ASAP2: variants seen among roughly 807,000 people sequenced by gnomAD.
ASAP2 encodes the protein ArfGAP with SH3 domain, ankyrin repeat and PH domain 2.
Under a neutral mutation model 131.4 loss-of-function variants are expected in ASAP2, and 45 were observed. The observed-to-expected ratio is 0.34, with a 90% CI of 0.27 to 0.44. The LOEUF is 0.44. ASAP2 is among the 20% of genes least tolerant of loss of function. The pLI, the probability that ASAP2 is intolerant of heterozygous loss-of-function variation, is 1.00. For missense variants in ASAP2, 1,011 were observed against 1,297.0 expected (o/e 0.78, Z 3.39); for synonymous variants, 510 against 503.0 (o/e 1.01, Z -0.19).
intron 7 of ASAP2, among the ~76,000 whole-genome samples, chr2:9,332,063 G>T (rs1670878151): frequency 6.6e-6 from 1 of 152,048 alleles, no homozygotes; most frequent in South Asian, 2.1e-4. Flanking sequence ...ACTCTGCTTG[G>T]TGGGTTTGAT....
At chr2:9,286,857 A>G (rs1487491989) in intron 2 of ASAP2, among the ~76,000 whole-genome samples, 4 of 152,246 alleles carry the variant, frequency 2.6e-5, no homozygotes, top group Non-Finnish European at 5.9e-5. Context: ...AAAAAGGAAT[A>G]GATGATAAAT....
intron 1 of ASAP2, among the ~76,000 whole-genome samples, chr2:9,253,080 G>A (rs538632770): frequency 3.3e-5 from 5 of 152,164 alleles, no homozygotes; most frequent in Non-Finnish European, 7.4e-5. Context: ...AGAAACGAAA[G>A]TCGTTTTTTG....
chr2:9,254,537 T>A (rs866240659), intron 1 of ASAP2, among the ~76,000 whole-genome samples: 27,273 of 130,450 alleles, frequency 0.21, 4,175 homozygotes, highest in Non-Finnish European at 0.25. Context: ...ATTTTTTTTT[T>A]TTTTTTTTTT....
At chr2:9,366,996 A>G (rs1413148139) in intron 15 of ASAP2, among the ~76,000 whole-genome samples, 2 of 150,916 alleles carry the variant, frequency 1.3e-5, no homozygotes, top group African/African-American at 2.5e-5. Context: ...GCCTCTCCCA[A>G]AGCATGTTTG....
intron 9 of ASAP2, among the ~76,000 whole-genome samples, chr2:9,342,203 C>G (rs1671631923): frequency 6.6e-6 from 1 of 152,162 alleles, no homozygotes; most frequent in Non-Finnish European, 1.5e-5. Flanking sequence ...CCAGAATCGT[C>G]AAAACAATCC....
Position 9,297,448 on chromosome 2 carries a change from A to G in ASAP2, c.345+3A>G. 1 of 1,614,154 alleles carries G rather than the reference A, an allele frequency of 6.2e-7. No individual in the cohort carries two copies. Among genetic ancestry groups the G allele is most frequent in the African/African-American group, 1.3e-5 (1 of 75,054 alleles). ...TGACAGCACTTTTCAAAAACCTGGT[A>G]AGCAGCTCTGTGTATGAAATGCTGC... On this transcript the variant is annotated splice_donor_region_variant and intron_variant, in intron 3 of 27. Coordinates refer to ENST00000281419, the MANE Select transcript of ASAP2 (RefSeq NM_003887.3).
In ASAP2 at chr2:9,318,580, C is replaced by T; in HGVS notation, c.402C>T (p.Asp134=). The change falls in exon 4 of 28, where the codon GAC becomes GAT. Residue 134 remains aspartate, a synonymous_variant. Transcript: ENST00000281419. ...SFPLDSLLKG[D]LKGVKGDLKK... ...CTTTGGACAGTTTGCTGAAGGGGGA[C>T]CTGAAAGGAGTGAAAGGGGTATGAC... 1 of 1,612,578 alleles carries T rather than the reference C, an allele frequency of 6.2e-7. No individual in the cohort carries two copies.
chr2:9,403,148 T>G, intron 27 of ASAP2, 105 bp from the exon 28 acceptor site: 1 of 912,074 alleles, frequency 1.1e-6, no homozygotes, highest in Non-Finnish European at 1.7e-6. Context: ...AAGAGTCTTC[T>G]GAACCAATCT....
intron 1 of ASAP2, among the ~76,000 whole-genome samples, chr2:9,276,768 G>A (rs1666786614): frequency 6.6e-6 from 1 of 152,188 alleles, no homozygotes; most frequent in Non-Finnish European, 1.5e-5. Flanking sequence ...TCGAACTCCT[G>A]ACCTCAAGTG....
rs1665226288 is a variant in ASAP2, at chr2:9,257,166, G to C, written c.127-22151G>C. ...GTTTACACGTGTCGGGCATTCCACTGGTGCTGGAGATTCAAAAATCAGAAG... is the reference window on the plus strand; with the variant it reads ...GTTTACACGTGTCGGGCATTCCACTCGTGCTGGAGATTCAAAAATCAGAAG... On this transcript the variant is annotated intron_variant, in intron 1 of 27. Coordinates refer to ENST00000281419, the MANE Select transcript of ASAP2 (RefSeq NM_003887.3). Among the ~76,000 whole-genome samples the C allele has an allele frequency of 4.6e-5, 7 of 152,320 alleles. No individual in the cohort carries two copies. The South Asian group carries it at 1.5e-3, about 32-fold the overall frequency.
intron 9 of ASAP2, among the ~76,000 whole-genome samples, chr2:9,336,422 T>C (rs1671206770): frequency 6.6e-6 from 1 of 152,164 alleles, no homozygotes; most frequent in Non-Finnish European, 1.5e-5. Flanking sequence ...CACATCCTGT[T>C]TGAATGCCCC....
intron 1 of ASAP2, among the ~76,000 whole-genome samples, chr2:9,208,041 G>C (rs942000630): frequency 2.6e-5 from 4 of 152,150 alleles, no homozygotes; most frequent in African/African-American, 9.7e-5. Context: ...TTAAAGCCGT[G>C]GGGAAAGGGG....
rs149732886 is a variant in ASAP2, at chr2:9,211,901, G to A, written c.126+4671G>A. On this transcript the variant is annotated intron_variant, in intron 1 of 27. Transcript: ENST00000281419. The stretch of plus-strand genomic sequence containing the variant: ...GAAGGACATCACCTTCTTGCCCAGA[G>A]CATTCATGTTTTTGGAAGTGAGCCT... 6.6e-5 allele frequency among the ~76,000 whole-genome samples: 10 copies of A among 152,296 alleles called. No homozygotes were observed. The East Asian group carries it at 1.9e-3, about 29-fold the overall frequency.
chr2:9,386,397 A>C (rs965872169), intron 21 of ASAP2, among the ~76,000 whole-genome samples: 1 of 151,918 alleles, frequency 6.6e-6, no homozygotes, highest in Admixed American at 6.6e-5. Flanking sequence ...AAAAAAAAAA[A>C]GCTGGAAGCA....
intron 3 of ASAP2, among the ~76,000 whole-genome samples, chr2:9,304,527 A>G (rs1572398371): frequency 1.7e-5 from 2 of 115,338 alleles, no homozygotes; most frequent in Admixed American, 9.0e-5. Flanking sequence ...CTGTAGGGGG[A>G]TGTACATAGG....
chr2:9,255,956 A>T (rs949836437), intron 1 of ASAP2, among the ~76,000 whole-genome samples: 1 of 152,134 alleles, frequency 6.6e-6, no homozygotes, highest in African/African-American at 2.4e-5. Context: ...ACTGGGGTTT[A>T]TAAGCAGGTT....
chr2:9,211,137 A>C (rs1211140055), intron 1 of ASAP2, among the ~76,000 whole-genome samples: 4 of 149,974 alleles, frequency 2.7e-5, no homozygotes, highest in Non-Finnish European at 5.9e-5. Flanking sequence ...CCTGGGCAAC[A>C]AGAGTGAAAC....
At chr2:9,235,919 C>T (rs1663519852) in intron 1 of ASAP2, among the ~76,000 whole-genome samples, 1 of 152,162 alleles carries the variant, frequency 6.6e-6, no homozygotes, top group African/African-American at 2.4e-5. Context: ...TCCCAGGGGA[C>T]TTCTGGCAAG....
chr2:9,393,730 A>G, intron 24 of ASAP2, 83 bp downstream of exon 24: 1 of 1,399,606 alleles, frequency 7.1e-7, no homozygotes, highest in Non-Finnish European at 9.5e-7. Flanking sequence ...AATGTTTGCA[A>G]TCCCCAGGGC....
Sources: gnomAD v4.1 joint callset for allele counts (sites outside exome capture counted in the v4.1 genomes callset) on GRCh38, gnomAD v4.1.1 for gene constraint, MANE v1.5 for transcripts, NCBI Gene and HGNC (gene_info 2026-07-23, HGNC 2026-07-21) for gene names.